FA2H: variants seen among roughly 807,000 people sequenced by gnomAD.
FA2H encodes the protein fatty acid alpha-hydroxylase.
FA2H carries 22 observed loss-of-function variants against 44.9 expected under a neutral mutation model. That is an observed-to-expected ratio of 0.49 (90% CI 0.35 to 0.70). FA2H has a LOEUF of 0.70. Ranked by LOEUF, FA2H falls within the 30% of genes least tolerant of loss-of-function variation. FA2H has a pLI of 0.01. For synonymous variants in FA2H, 243 were observed against 213.2 expected (o/e 1.14, Z -1.22); for missense variants, 501 against 504.9 (o/e 0.99, Z 0.07).
intron 1 of FA2H, among the ~76,000 whole-genome samples, chr16:74,771,411 G>A (rs1408165338): frequency 6.6e-6 from 1 of 151,490 alleles, no homozygotes. Flanking sequence ...GGCTGATGTC[G>A]AACTCCTGAC....
chr16:74,713,417 G>A lies in FA2H; in HGVS notation c.*773C>T, dbSNP rs978422263. ...GGCTCCTTCTGGGAGCGCCCGAGTA[G>A]GGGCCTGAGCGGGGTGGAGGCCAAG... On this transcript the variant is annotated 3_prime_UTR_variant, in exon 7 of 7. Coordinates refer to ENST00000219368, the MANE Select transcript of FA2H (RefSeq NM_024306.5). 6.6e-6 allele frequency: 1 copy of A among 152,354 alleles called. No homozygotes were observed. Among genetic ancestry groups the A allele is most frequent in the African/African-American group, 2.4e-5 (1 of 41,462 alleles). 9.4% of individuals were successfully genotyped at this position (152,354 alleles called of 1,614,324 possible).
chr16:74,765,345 C>T (rs1303682225), intron 1 of FA2H, among the ~76,000 whole-genome samples: 2 of 151,944 alleles, frequency 1.3e-5, no homozygotes, highest in South Asian at 2.1e-4. Flanking sequence ...TTAGTAGAGA[C>T]GAGGTTTCAC....
rs1295765907 is a variant in FA2H at position 74,716,434 on chromosome 16, G to C, written c.952C>G (p.Leu318Val). The change falls in exon 6 of 7, where the codon CTG becomes GTG. Residue 318 changes from leucine to valine, a missense_variant. Coordinates refer to ENST00000219368, the MANE Select transcript of FA2H (RefSeq NM_024306.5). Reference sequence around the variant, plus strand: ...CCCTTGTGCGGCGAGCCAAAGTGCAGGTAGTAATGGGTCATGTCATAGAGG... The same window carrying C: ...CCCTTGTGCGGCGAGCCAAAGTGCACGTAGTAATGGGTCATGTCATAGAGG... ...YVLYDMTHYYLHFGSPHKGSY... is the reference protein window; with the variant it reads ...YVLYDMTHYYVHFGSPHKGSY... The C allele has an allele frequency of 5.6e-6, 9 of 1,614,054 alleles. No individual in the cohort carries two copies. The highest frequency in any genetic ancestry group is 1.3e-5 in the African/African-American group (1 of 75,018).
chr16:74,727,577 A>G (rs534530906), intron 2 of FA2H, among the ~76,000 whole-genome samples, 191 bp from the exon 3 acceptor site: 44 of 152,316 alleles, frequency 2.9e-4, no homozygotes, highest in Non-Finnish European at 5.6e-4. Flanking sequence ...AGCCACAGCA[A>G]TAGGATCCGG....
chr16:74,717,882 T>A (rs190907945), intron 5 of FA2H, among the ~76,000 whole-genome samples: 1 of 152,190 alleles, frequency 6.6e-6, no homozygotes, highest in Non-Finnish European at 1.5e-5. Flanking sequence ...TGAAAAGGCT[T>A]CACAAACAGG....
chr16:74,717,855 G>A (rs577390048), intron 5 of FA2H, among the ~76,000 whole-genome samples: 1 of 152,328 alleles, frequency 6.6e-6, no homozygotes, highest in Non-Finnish European at 1.5e-5. Flanking sequence ...GAAAGATAGC[G>A]GACAGGGCAG....
At chr16:74,750,604 C>G (rs954613230) in intron 1 of FA2H, among the ~76,000 whole-genome samples, 1 of 152,134 alleles carries the variant, frequency 6.6e-6, no homozygotes, top group Admixed American at 6.5e-5. Context: ...TTTGCTGATT[C>G]AAGCAATTCC....
chr16:74,720,393 A>G (rs566244592), intron 4 of FA2H, among the ~76,000 whole-genome samples: 139 of 150,490 alleles, frequency 9.2e-4, no homozygotes, highest in Middle Eastern at 6.9e-3. Flanking sequence ...AGGGGGTTTC[A>G]CCATATTATC....
At position 74,718,894 on chromosome 16, in the gene FA2H, C is replaced by T. The variant is rs1295315045; in HGVS notation, c.786+94G>A. 3.5e-6 allele frequency: 5 copies of T among 1,447,054 alleles called. No homozygotes were observed. In the African/African-American group the frequency reaches 5.6e-5, roughly 16 times the overall value. 89.6% of individuals were successfully genotyped at this position (1,447,054 alleles called of 1,614,324 possible). On this transcript the variant is annotated intron_variant, in intron 5 of 6. Coordinates refer to ENST00000219368, the MANE Select transcript of FA2H (RefSeq NM_024306.5). The stretch of plus-strand genomic sequence containing the variant: ...TCCCTCCCAACCCACAGCCAGACTC[C>T]CAGGAGGCTCCGCAGCACCTGAAGC...
Position 74,719,138 on chromosome 16 carries a change from C to T in FA2H, c.636G>A (p.Lys212=). The change falls in exon 5 of 7, where the codon AAG becomes AAA. Residue 212 remains lysine (K), a synonymous_variant. Transcript: ENST00000219368. ...FTTEYTVAVP[K]SMFPGLFMLG... is the part of the protein sequence containing the mutation. ...GCATGAAGAGCCCGGGGAACATGGA[C>T]TTGGGCACTGCCACCGTGTACTCTG... 1.2e-6 allele frequency: 2 copies of T among 1,613,622 alleles called. No individual in the cohort carries two copies. The highest frequency in any genetic ancestry group is 2.7e-5 in the African/African-American group (2 of 75,050).
intron 1 of FA2H, among the ~76,000 whole-genome samples, chr16:74,772,370 G>A (rs1320046193): frequency 6.6e-6 from 1 of 152,118 alleles, no homozygotes; most frequent in Non-Finnish European, 1.5e-5. Flanking sequence ...CTCTAGATCC[G>A]TACTCTGATA....
At chr16:74,715,956 T>C (rs1203830266) in intron 6 of FA2H, among the ~76,000 whole-genome samples, 3 of 151,986 alleles carry the variant, frequency 2.0e-5, no homozygotes, top group African/African-American at 4.8e-5. Context: ...GCTGAGATTA[T>C]AGGTGGGCAC....
chr16:74,715,441 A>G (rs1961672228), intron 6 of FA2H, among the ~76,000 whole-genome samples: 1 of 152,196 alleles, frequency 6.6e-6, no homozygotes, highest in Non-Finnish European at 1.5e-5. Context: ...ACAGGTGCAT[A>G]TCACCACACA....
At chr16:74,741,808 A>ATATATATATATATATATGTGTGTG (rs1491185782) in intron 1 of FA2H, among the ~76,000 whole-genome samples, 6 of 48,414 alleles carry the variant, frequency 1.2e-4, no homozygotes, top group African/African-American at 4.3e-4. Flanking sequence ...ATATATATAT[A>ATATATATATATATATATGTGTGTG]TGTGTGTGTG....
At position 74,713,868 on chromosome 16, in the gene FA2H, G is replaced by A. The variant is rs1033113896; in HGVS notation, c.*322C>T. The A allele has an allele frequency of 2.8e-6, 1 of 359,226 alleles. No individual in the cohort carries two copies. Among genetic ancestry groups the A allele is most frequent in the Non-Finnish European group, 5.2e-6 (1 of 190,742 alleles). The allele number at this position is 359,226 out of a possible 1,614,324, so 22.3% of individuals were successfully genotyped here. A position where few individuals can be genotyped will look rare whatever the true frequency, so the allele number is the denominator to read the frequency against. ...TGACACAGGTGGCCACGAGGGCTCA[G>A]TTTTCTTCATTTCCCCTTGCGGCTG... is the stretch of plus-strand genomic sequence containing the variant. On this transcript the variant is annotated 3_prime_UTR_variant, in exon 7 of 7. Transcript: ENST00000219368.
intron 1 of FA2H, among the ~76,000 whole-genome samples, chr16:74,741,829 T>TG (rs1555539925): frequency 1.1e-5 from 1 of 90,276 alleles, no homozygotes; most frequent in Non-Finnish European, 2.4e-5. Flanking sequence ...TGTGTGTGTG[T>TG]GTGTGTGTAT....
intron 2 of FA2H, among the ~76,000 whole-genome samples, chr16:74,736,238 G>C (rs752891466): frequency 6.6e-6 from 1 of 152,192 alleles, no homozygotes. Flanking sequence ...GGGACTCTAA[G>C]CCCAGTATGG....
At chr16:74,722,672 G>A (rs546535893) in intron 4 of FA2H, among the ~76,000 whole-genome samples, 1 of 151,858 alleles carries the variant, frequency 6.6e-6, no homozygotes, top group East Asian at 1.9e-4. Flanking sequence ...CAGCACTTTG[G>A]GAGGCTGAGG....
chr16:74,743,290 C>T (rs1567643812), intron 1 of FA2H, among the ~76,000 whole-genome samples: 1 of 152,204 alleles, frequency 6.6e-6, no homozygotes, highest in Non-Finnish European at 1.5e-5. Context: ...GGAAGTAAAT[C>T]AAATGTTCAC....
Sources: gnomAD v4.1 joint callset for allele counts (sites outside exome capture counted in the v4.1 genomes callset) on GRCh38, gnomAD v4.1.1 for gene constraint, MANE v1.5 for transcripts, NCBI Gene and HGNC (gene_info 2026-07-23, HGNC 2026-07-21) for gene names.